Variants in RPGRIP1 observed in about 807,000 individuals in gnomAD.
RPGRIP1 encodes X-linked retinitis pigmentosa GTPase regulator-interacting protein 1.
Under a neutral mutation model 157.9 loss-of-function variants are expected in RPGRIP1, and 128 were observed. The observed-to-expected ratio is 0.81, with a 90% CI of 0.70 to 0.94. RPGRIP1 has a LOEUF of 0.94. Ranked by LOEUF, RPGRIP1 falls within the 40% of genes least tolerant of loss-of-function variation. RPGRIP1 has a pLI of 0.00. For synonymous variants in RPGRIP1, 554 were observed against 571.6 expected, an observed-to-expected ratio of 0.97 and a Z score of 0.44; for missense variants, 1,486 against 1,545.8, an observed-to-expected ratio of 0.96 and a Z score of 0.65.
At chr14:21,326,387 A>C (rs1487641493) in intron 17 of RPGRIP1, among the ~76,000 whole-genome samples, 1 of 152,192 alleles carries the variant, frequency 6.6e-6, no homozygotes, top group East Asian at 1.9e-4. Flanking sequence ...TTCAGCCACA[A>C]AGACAACATT....
chr14:21,341,976 G>C (rs1183007408), intron 21 of RPGRIP1, among the ~76,000 whole-genome samples: 1 of 151,886 alleles, frequency 6.6e-6, no homozygotes, highest in East Asian at 1.9e-4. Flanking sequence ...CGGGAACCCG[G>C]GAAGAAGAGC....
intron 11 of RPGRIP1, among the ~76,000 whole-genome samples, chr14:21,318,484 G>T (rs940849731): frequency 3.3e-5 from 5 of 151,850 alleles, no homozygotes; most frequent in Non-Finnish European, 4.4e-5. Context: ...GGTTTGGTTT[G>T]GTTTTGTTTC....
At chr14:21,307,436 G>T (rs950060917) in intron 6 of RPGRIP1, among the ~76,000 whole-genome samples, 4 of 152,206 alleles carry the variant, frequency 2.6e-5, no homozygotes, top group Admixed American at 6.5e-5. Context: ...GCTTGACATT[G>T]CAAGGTTTGT....
chr14:21,285,320 A>T (rs1011363420), intron 1 of RPGRIP1, among the ~76,000 whole-genome samples: 1 of 151,686 alleles, frequency 6.6e-6, no homozygotes, highest in African/African-American at 2.4e-5. Flanking sequence ...AAGAGCAAGA[A>T]GGAGGCCAGG....
intron 24 of RPGRIP1, among the ~76,000 whole-genome samples, chr14:21,349,193 C>G (rs1316358666): frequency 6.7e-6 from 1 of 150,110 alleles, no homozygotes; most frequent in Non-Finnish European, 1.5e-5. Context: ...GCCTCAACCT[C>G]CTGGGTAGCT....
At chr14:21,340,173 A>G (rs921253331) in intron 21 of RPGRIP1, among the ~76,000 whole-genome samples, 6 of 152,186 alleles carry the variant, frequency 3.9e-5, no homozygotes, top group African/African-American at 1.4e-4. Context: ...GGAGTGGGAA[A>G]TCAAAAGAAA....
rs183051723 is a variant in RPGRIP1 at position 21,337,068 on chromosome 14, G to A, written c.3339+2363G>A. On this transcript the variant is annotated intron_variant, in intron 21 of 24. Coordinates refer to ENST00000400017, the MANE Select transcript of RPGRIP1 (RefSeq NM_020366.4). Reference sequence around the variant, plus strand: ...ATGTCCAGGCATGAAAGGTAGAGGGGGTTGAAAGCTCAGAGTCAAAACTTG... The same window carrying A: ...ATGTCCAGGCATGAAAGGTAGAGGGAGTTGAAAGCTCAGAGTCAAAACTTG... Among the ~76,000 whole-genome samples the A allele has an allele frequency of 4.6e-5, 7 of 152,230 alleles. No individual in the cohort carries two copies. In the East Asian group the frequency reaches 1.2e-3, roughly 25 times the overall value.
chr14:21,348,514 T>C (rs1248051749), intron 24 of RPGRIP1, among the ~76,000 whole-genome samples: 1 of 152,210 alleles, frequency 6.6e-6, no homozygotes, highest in Non-Finnish European at 1.5e-5. Context: ...ACAACTAGAA[T>C]TGATTTTGAA....
At chr14:21,310,697 C>T (rs375024142) in intron 8 of RPGRIP1, 90 bp downstream of exon 8, 2 of 705,826 alleles carry the variant, frequency 2.8e-6, no homozygotes, top group Non-Finnish European at 4.9e-6. Context: ...AACATAACAC[C>T]AGAATTTAGC....
At chr14:21,301,616 G>T (rs1420889026) in intron 4 of RPGRIP1, among the ~76,000 whole-genome samples, 1 of 151,486 alleles carries the variant, frequency 6.6e-6, no homozygotes, top group Admixed American at 6.6e-5. Flanking sequence ...GGCGGAGGTT[G>T]CAGTGAGCTG....
At chr14:21,284,364 G>A (rs10136056) in intron 1 of RPGRIP1, among the ~76,000 whole-genome samples, 65,283 of 151,828 alleles carry the variant, frequency 0.43, 15,274 homozygotes, top group South Asian at 0.57. Context: ...CCAGACAGTG[G>A]CATTTATGGA....
At chr14:21,286,712 T>C (rs1880312510) in intron 1 of RPGRIP1, among the ~76,000 whole-genome samples, 1 of 151,904 alleles carries the variant, frequency 6.6e-6, no homozygotes, top group South Asian at 2.1e-4. Flanking sequence ...GGAGAATTGC[T>C]TGAACCCAGC....
At chr14:21,304,861 G>A (rs925846922) in intron 6 of RPGRIP1, among the ~76,000 whole-genome samples, 1 of 151,846 alleles carries the variant, frequency 6.6e-6, no homozygotes, top group Non-Finnish European at 1.5e-5. Flanking sequence ...GAGGGCAGTG[G>A]CGTGATCTCG....
chr14:21,326,843 C>G (rs1401747523), intron 17 of RPGRIP1, among the ~76,000 whole-genome samples: 3 of 152,160 alleles, frequency 2.0e-5, no homozygotes, highest in Non-Finnish European at 4.4e-5. Context: ...GATTTCCACA[C>G]CAGATCATGA....
In RPGRIP1 at chr14:21,325,904, G is replaced by A. The variant is rs372647080; in HGVS notation, c.2441G>A (p.Arg814Gln). The part of the protein sequence containing the change: ...EITKCCGLRS[R>Q]WLGTQPSPYA... The stretch of plus-strand genomic sequence containing the variant: ...ACCAAGTGCTGTGGCCTCCGGAGTC[G>A]ATGGCTGGGAACTCAACCCAGTCCA... Residue 814 changes from arginine (R) to glutamine (Q), a missense_variant, in exon 17 of 25, where the codon CGA (arginine) becomes CAA (glutamine). By Grantham distance (43) the Arg-to-Gln change is conservative. Coordinates refer to ENST00000400017, the MANE Select transcript of RPGRIP1 (RefSeq NM_020366.4). The A allele has an allele frequency of 1.4e-5, 22 of 1,613,894 alleles. No homozygotes were observed. Among genetic ancestry groups the A allele is most frequent in the South Asian group, 2.2e-5 (2 of 91,082 alleles).
At chr14:21,295,864 G>A (rs1173730840) in intron 3 of RPGRIP1, among the ~76,000 whole-genome samples, 1 of 151,296 alleles carries the variant, frequency 6.6e-6, no homozygotes, top group Non-Finnish European at 1.5e-5. Flanking sequence ...TCTGCCTACT[G>A]GGTTCAAGCG....
At chr14:21,329,832 T>C (rs891782400) in intron 19 of RPGRIP1, among the ~76,000 whole-genome samples, 7 of 150,894 alleles carry the variant, frequency 4.6e-5, no homozygotes, top group Non-Finnish European at 1.0e-4. Flanking sequence ...AAAGAGCCAG[T>C]ATTGTCTGGG....
At chr14:21,330,609 T>C (rs1480440710) in intron 20 of RPGRIP1, among the ~76,000 whole-genome samples, 1 of 151,976 alleles carries the variant, frequency 6.6e-6, no homozygotes, top group African/African-American at 2.4e-5. Flanking sequence ...GAGGTTGCAG[T>C]GAGCCGAGAT....
chr14:21,303,725 G>A (rs899225477), intron 6 of RPGRIP1, among the ~76,000 whole-genome samples, 182 bp downstream of exon 6: 9 of 152,238 alleles, frequency 5.9e-5, no homozygotes, highest in Admixed American at 3.9e-4. Flanking sequence ...CATGGATCAC[G>A]CCTGTAATCC....
Sources: allele counts gnomAD v4.1 joint callset (sites outside exome capture counted in the v4.1 genomes callset), GRCh38; gene constraint gnomAD v4.1.1; transcripts MANE v1.5; gene names NCBI Gene and HGNC (gene_info 2026-07-23, HGNC 2026-07-21).